LSM1: variants seen among roughly 807,000 people sequenced by gnomAD.
LSM1 encodes the protein LSM1 homolog, mRNA degradation associated.
A neutral mutation model predicts 18.0 loss-of-function variants in LSM1; 13 were observed. That is an observed-to-expected ratio of 0.72 (90% confidence interval 0.47 to 1.15). LSM1 has a LOEUF of 1.15. Among genes scored for constraint, LSM1 ranks in the 50% most tolerant of loss-of-function variants. The pLI is 0.00. For synonymous variants in LSM1, 46 were observed against 56.0 expected (o/e 0.82, Z 0.80); for missense variants, 152 against 157.7 (o/e 0.96, Z 0.19).
intron 3 of LSM1, among the ~76,000 whole-genome samples, chr8:38,164,317 G>A (rs904185916): frequency 6.6e-6 from 1 of 152,054 alleles, no homozygotes; most frequent in African/African-American, 2.4e-5. Context: ...CTCTCAAAGT[G>A]CTGGGATTAT....
intron 1 of LSM1, among the ~76,000 whole-genome samples, chr8:38,174,818 T>G (rs954197726): frequency 6.6e-6 from 1 of 150,944 alleles, no homozygotes; most frequent in African/African-American, 2.4e-5. Context: ...AGGTCAGGAG[T>G]TGGAGACCAG....
chr8:38,165,453 A>T (rs1802912967), intron 3 of LSM1, among the ~76,000 whole-genome samples: 1 of 152,198 alleles, frequency 6.6e-6, no homozygotes, highest in Non-Finnish European at 1.5e-5. Context: ...AGGAAAATTT[A>T]AAAATTATCC....
At chr8:38,174,789 GAGGTGGGTGGATCACCTGAGGTC>G (rs1207910814) in intron 1 of LSM1, among the ~76,000 whole-genome samples, 1 of 152,042 alleles carries the variant, frequency 6.6e-6, no homozygotes, top group African/African-American at 2.4e-5. Context: ...CTGGGAGGCC[GAGGTGGGTGGATCACCTGAGGTC>G]AGGAGTTGGA....
At chr8:38,174,187 A>G (rs932748252) in intron 1 of LSM1, among the ~76,000 whole-genome samples, 2 of 152,176 alleles carry the variant, frequency 1.3e-5, no homozygotes, top group African/African-American at 4.8e-5. Context: ...GGGGATAAAG[A>G]TATGAAAAAA....
intron 2 of LSM1, among the ~76,000 whole-genome samples, chr8:38,171,245 G>A (rs919118909): frequency 8.5e-5 from 13 of 152,200 alleles, no homozygotes; most frequent in African/African-American, 3.1e-4. Context: ...GAAATAAGCA[G>A]CCTTGGGCCG....
intron 2 of LSM1, 131 bp from the exon 3 acceptor site, chr8:38,170,048 T>G: frequency 1.9e-6 from 1 of 532,798 alleles, no homozygotes; most frequent in Non-Finnish European, 3.3e-6. Flanking sequence ...TATTTTTATT[T>G]ATTTATTTTT....
At chr8:38,176,236 C>T (rs1257639892) in intron 1 of LSM1, 39 bp downstream of exon 1, 1 of 1,599,554 alleles carries the variant, frequency 6.3e-7, no homozygotes, top group Non-Finnish European at 8.6e-7. Context: ...GAGGAAGGGT[C>T]TAACCCCGGG....
chr8:38,164,421 C>CA (rs1167862149), intron 3 of LSM1, among the ~76,000 whole-genome samples: 3 of 144,128 alleles, frequency 2.1e-5, no homozygotes, highest in African/African-American at 7.3e-5. Flanking sequence ...GATTAATTTC[C>CA]TTAAAAAAAA....
intron 3 of LSM1, among the ~76,000 whole-genome samples, chr8:38,168,667 A>C (rs900723450): frequency 9.2e-5 from 14 of 151,692 alleles, no homozygotes; most frequent in African/African-American, 3.4e-4. Flanking sequence ...CACTGAACTA[A>C]AAGTACAAAC....
At chr8:38,168,318 C>T (rs796531922) in intron 3 of LSM1, among the ~76,000 whole-genome samples, 4 of 148,466 alleles carry the variant, frequency 2.7e-5, no homozygotes, top group East Asian at 2.2e-4. Flanking sequence ...TGGCTGGGCG[C>T]GGTGGCTCAT....
chr8:38,173,243 A>G (rs982486872), intron 1 of LSM1, among the ~76,000 whole-genome samples: 1 of 152,192 alleles, frequency 6.6e-6, no homozygotes, highest in East Asian at 1.9e-4. Flanking sequence ...TGCGCTATAA[A>G]TAAGTACCAC....
At chr8:38,174,956 G>A (rs1182935022) in intron 1 of LSM1, among the ~76,000 whole-genome samples, 1 of 149,024 alleles carries the variant, frequency 6.7e-6, no homozygotes, top group African/African-American at 2.5e-5. Context: ...CCCGGGAGGT[G>A]GAGGTTCCAG....
At chr8:38,172,324 CTTTTTTT>C (rs66755601) in intron 1 of LSM1, among the ~76,000 whole-genome samples, 1 of 123,690 alleles carries the variant, frequency 8.1e-6, no homozygotes, top group African/African-American at 3.1e-5. Context: ...TTCCTTTTTT[CTTTTTTT>C]TTTTTTTTGA....
intron 1 of LSM1, among the ~76,000 whole-genome samples, chr8:38,174,316 A>G (rs1198692731): frequency 6.6e-6 from 1 of 152,168 alleles, no homozygotes; most frequent in East Asian, 1.9e-4. Flanking sequence ...CTAACAACGA[A>G]AAAAGGTTCC....
intron 3 of LSM1, among the ~76,000 whole-genome samples, chr8:38,169,301 T>TA (rs1413438761): frequency 1.3e-5 from 2 of 152,138 alleles, no homozygotes; most frequent in Non-Finnish European, 2.9e-5. Context: ...CTGGCACAGA[T>TA]ACCAAAATAC....
At chr8:38,171,633 C>T (rs964940426) in intron 2 of LSM1, among the ~76,000 whole-genome samples, 6 of 152,242 alleles carry the variant, frequency 3.9e-5, no homozygotes, top group Non-Finnish European at 2.9e-5. Context: ...TGCCACTGCA[C>T]TCCAGCCTGG....
intron 1 of LSM1, 58 bp from the exon 2 acceptor site, chr8:38,172,091 G>A: frequency 1.7e-6 from 2 of 1,187,188 alleles, no homozygotes; most frequent in Admixed American, 1.9e-5. Context: ...CGAGTATTTA[G>A]GATAATAATT....
intron 3 of LSM1, chr8:38,166,006 A>C (rs990102677): frequency 6.6e-6 from 1 of 152,350 alleles, no homozygotes; most frequent in Non-Finnish European, 1.5e-5. Context: ...TTCATTAATT[A>C]TTTTTAAAGA....
intron 1 of LSM1, 139 bp from the exon 2 acceptor site, chr8:38,172,172 A>G (rs1033555394): frequency 1.7e-5 from 11 of 649,182 alleles, no homozygotes; most frequent in Non-Finnish European, 3.0e-5. Context: ...GGAAAACTGA[A>G]AAAAGCAGCA....
Sources: gnomAD v4.1 joint callset for allele counts (sites outside exome capture counted in the v4.1 genomes callset) on GRCh38, gnomAD v4.1.1 for gene constraint, MANE v1.5 for transcripts, NCBI Gene and HGNC (gene_info 2026-07-23, HGNC 2026-07-21) for gene names.